The following TIMM22 variants were observed in gnomAD, a reference collection of about 807,000 sequenced individuals.
TIMM22 encodes translocase of inner mitochondrial membrane 22.
Under a neutral mutation model 18.3 loss-of-function variants are expected in TIMM22, and 12 were observed. The observed-to-expected ratio is 0.65, with a 90% CI of 0.42 to 1.06. TIMM22 has a LOEUF of 1.06. Among genes scored for constraint, TIMM22 ranks in the 50% least tolerant of loss-of-function variants. TIMM22 has a pLI of 0.00. For synonymous variants in TIMM22, 107 were observed against 98.5 expected (o/e 1.09, Z -0.51); for missense variants, 278 against 252.8 (o/e 1.10, Z -0.68).
chr17:999,018 A>G, intron 2 of TIMM22, 43 bp downstream of exon 2: 1 of 1,562,668 alleles, frequency 6.4e-7, no homozygotes, highest in Non-Finnish European at 8.7e-7. Flanking sequence ...TGGGGCCACC[A>G]TTTCATTACT....
At chr17:999,895 G>T (rs913756070) in intron 3 of TIMM22, among the ~76,000 whole-genome samples, 1 of 144,094 alleles carries the variant, frequency 6.9e-6, no homozygotes, top group Non-Finnish European at 1.5e-5. Flanking sequence ...CCCGTCCGTT[G>T]TAACAACTTT....
Position 1,001,946 on chromosome 17 carries a change from C to G in TIMM22, c.*858C>G, listed in dbSNP as rs1009833084. On this transcript the variant is annotated 3_prime_UTR_variant, in exon 4 of 4. Transcript: ENST00000327158. ...TCACGACGTGACTGCTGGACCTGGC[C>G]GAGCTTGAGGCCACATGTGAAGGGT... is the stretch of plus-strand genomic sequence containing the variant. 6.6e-6 allele frequency: 1 copy of G among 152,120 alleles called. No individual in the cohort carries two copies. The highest frequency in any genetic ancestry group is 1.9e-4 in the East Asian group (1 of 5,180). 9.4% of individuals were successfully genotyped at this position (152,120 alleles called of 1,614,324 possible).
intron 2 of TIMM22, among the ~76,000 whole-genome samples, 156 bp from the exon 3 acceptor site, chr17:999,356 T>TATATATATATATATATATAC (rs1567539415): frequency 8.8e-6 from 1 of 113,894 alleles, no homozygotes; most frequent in Non-Finnish European, 1.9e-5. Flanking sequence ...TATATATATA[T>TATATATATATATATATATAC]ATACACGCTG....
At position 997,216 on chromosome 17, in the gene TIMM22, A is replaced by G; in HGVS notation, c.74A>G (p.Tyr25Cys). The change falls in exon 1 of 4, where the codon TAC (tyrosine) becomes TGC (cysteine). Residue 25 changes from tyrosine to cysteine, a missense_variant. By Grantham distance (194) the Tyr-to-Cys change is radical (BLOSUM62 -2). Transcript: ENST00000327158. ...TAGSAEAPLQ[Y>C]SLLLQYLVGD... ...GGTTCCGCCGAAGCTCCGCTGCAGT[A>G]CAGCCTGCTCCTGCAGTACCTGGTG... 6.2e-7 allele frequency: 1 copy of G among 1,613,086 alleles called. No homozygotes were observed. Among genetic ancestry groups the G allele is most frequent in the South Asian group, 1.1e-5 (1 of 91,082 alleles).
intron 3 of TIMM22, among the ~76,000 whole-genome samples, chr17:1,000,093 T>C (rs2150665814): frequency 7.2e-6 from 1 of 139,452 alleles, no homozygotes; most frequent in South Asian, 2.3e-4. Flanking sequence ...AGAGATCAAT[T>C]TCACCTGGTC....
Position 997,459 on chromosome 17 carries a change from C to A in TIMM22, c.238+79C>A. ...GATCTCTGCCGAGAAGACCACGCGC[C>A]TGGGAGGCGAGGGACTGCGGGCCTT... On this transcript the variant is annotated intron_variant, in intron 1 of 3. Transcript: ENST00000327158. 3 of 1,425,336 alleles carry A rather than the reference C, an allele frequency of 2.1e-6. No individual in the cohort carries two copies. In the South Asian group the frequency reaches 3.8e-5, roughly 18 times the overall value. 88.3% of individuals were successfully genotyped at this position (1,425,336 alleles called of 1,614,324 possible). A position where few individuals can be genotyped will look rare whatever the true frequency, so the allele number is the denominator to read the frequency against.
rs2069688252 is a variant in TIMM22, at chr17:997,140, G to C, written c.-3G>C. 2 of 1,608,640 alleles carry C rather than the reference G, an allele frequency of 1.2e-6. No homozygotes were observed. Among genetic ancestry groups the C allele is most frequent in the Non-Finnish European group, 1.7e-6 (2 of 1,178,750 alleles). On this transcript the variant is annotated 5_prime_UTR_variant, in exon 1 of 4. Coordinates refer to ENST00000327158, the MANE Select transcript of TIMM22 (RefSeq NM_013337.4). ...CGCGAGGGTTGCTTGGGCAGCGACT[G>C]TCATGGCGGCGGCCGCCCCCAATGC...
chr17:997,738 A>G (rs956049033), intron 1 of TIMM22, among the ~76,000 whole-genome samples: 2 of 152,198 alleles, frequency 1.3e-5, no homozygotes, highest in Non-Finnish European at 2.9e-5. Flanking sequence ...GCTTGAACCC[A>G]GGAGGCGGAG....
rs1423285566 is a variant in TIMM22, at chr17:1,003,603, A to G, written c.*2515A>G. On this transcript the variant is annotated 3_prime_UTR_variant, in exon 4 of 4. Coordinates refer to ENST00000327158, the MANE Select transcript of TIMM22 (RefSeq NM_013337.4). Reference sequence around the variant, plus strand: ...TTTACATCAATTTATAATAATCTACATAAGTTGAAACAGAACATAGACAAA... The same window carrying G: ...TTTACATCAATTTATAATAATCTACGTAAGTTGAAACAGAACATAGACAAA... The G allele has an allele frequency of 6.6e-6, 1 of 152,610 alleles. No homozygotes were observed. The highest frequency in any genetic ancestry group is 1.5e-5 in the Non-Finnish European group (1 of 68,044). 9.5% of individuals were successfully genotyped at this position (152,610 alleles called of 1,614,324 possible).
At position 998,849 on chromosome 17, in the gene TIMM22, G is replaced by T. The variant is rs1316504145; in HGVS notation, c.309G>T (p.Lys103Asn). 1.2e-6 allele frequency: 2 copies of T among 1,614,140 alleles called. No individual in the cohort carries two copies. The highest frequency in any genetic ancestry group is 1.1e-5 in the South Asian group (1 of 91,086). The change falls in exon 2 of 4, where the codon AAG becomes AAT. Residue 103 changes from lysine (K) to asparagine (N), a missense_variant. By Grantham distance (94) the Lys-to-Asn change is moderately conservative. Transcript: ENST00000327158. Reference sequence around the variant, plus strand: ...ATACCAACGTGGGCTTTGACCCTAAGGATCCTTACCGTACACCGACTGCAA... The same window carrying T: ...ATACCAACGTGGGCTTTGACCCTAATGATCCTTACCGTACACCGACTGCAA... Reference protein sequence around the residue: ...GIDTNVGFDPKDPYRTPTAKE... With the variant: ...GIDTNVGFDPNDPYRTPTAKE...
In TIMM22 at chr17:999,607, C is replaced by G. The variant is rs771979930; in HGVS notation, c.508+23C>G. 7 of 1,610,206 alleles carry G rather than the reference C, an allele frequency of 4.3e-6. No individual in the cohort carries two copies. The South Asian group carries it at 7.7e-5, about 18-fold the overall frequency. On this transcript the variant is annotated intron_variant, in intron 3 of 3. Coordinates refer to ENST00000327158, the MANE Select transcript of TIMM22 (RefSeq NM_013337.4). ...GAGGTTAGTAAACGGCTCTCGAATGCTTTTTCTTTGTGGCCTTGGACAACG... is the reference window on the plus strand; with the variant it reads ...GAGGTTAGTAAACGGCTCTCGAATGGTTTTTCTTTGTGGCCTTGGACAACG...
At position 1,002,974 on chromosome 17, in the gene TIMM22, T is replaced by A. The variant is rs2069783646; in HGVS notation, c.*1886T>A. ...TATGAGCTCATAAACCAAACAGCAA[T>A]TTTCAGAGACATCTGTTCCTGATCT... On this transcript the variant is annotated 3_prime_UTR_variant, in exon 4 of 4. Transcript: ENST00000327158. The A allele has an allele frequency of 6.6e-6, 1 of 152,026 alleles. No homozygotes were observed. The highest frequency in any genetic ancestry group is 1.5e-5 in the Non-Finnish European group (1 of 67,996). 9.4% of individuals were successfully genotyped at this position (152,026 alleles called of 1,614,324 possible). A position where few individuals can be genotyped will look rare whatever the true frequency, so the allele number is the denominator to read the frequency against.
intron 3 of TIMM22, 24 bp downstream of exon 3, chr17:999,608 T>A (rs775466903): frequency 1.9e-6 from 3 of 1,609,446 alleles, no homozygotes; most frequent in Non-Finnish European, 2.5e-6. Context: ...TCTCGAATGC[T>A]TTTTCTTTGT....
At position 997,354 on chromosome 17, in the gene TIMM22, T is replaced by G. The variant is rs2069693515; in HGVS notation, c.212T>G (p.Phe71Cys). 6.2e-7 allele frequency: 1 copy of G among 1,613,360 alleles called. No individual in the cohort carries two copies. Among genetic ancestry groups the G allele is most frequent in the Non-Finnish European group, 8.5e-7 (1 of 1,179,760 alleles). The change falls in exon 1 of 4, where the codon TTC becomes TGC. Residue 71 changes from phenylalanine (F) to cysteine (C), a missense_variant. Coordinates refer to ENST00000327158, the MANE Select transcript of TIMM22 (RefSeq NM_013337.4). Reference sequence around the variant, plus strand: ...GAGAAGGCGATGGAAAGCTGCGCTTTCAAGGCTGCGCTGGCCTGCGTGGGA... The same window carrying G: ...GAGAAGGCGATGGAAAGCTGCGCTTGCAAGGCTGCGCTGGCCTGCGTGGGA... ...MIEKAMESCAFKAALACVGGF... is the reference protein window; with the variant it reads ...MIEKAMESCACKAALACVGGF...
At position 1,003,030 on chromosome 17, in the gene TIMM22, G is replaced by A. The variant is rs2069785121; in HGVS notation, c.*1942G>A. 1 of 152,126 alleles carries A rather than the reference G, an allele frequency of 6.6e-6. No individual in the cohort carries two copies. The highest frequency in any genetic ancestry group is 2.4e-5 in the African/African-American group (1 of 41,420). 9.4% of individuals were successfully genotyped at this position (152,126 alleles called of 1,614,324 possible). A position where few individuals can be genotyped will look rare whatever the true frequency, so the allele number is the denominator to read the frequency against. On this transcript the variant is annotated 3_prime_UTR_variant, in exon 4 of 4. Transcript: ENST00000327158. The stretch of plus-strand genomic sequence containing the variant: ...ATAAACTCAGTGTCCAGTTGCTTCG[G>A]CTGGTGGGAGCCAATATTCACGCCA...
At position 997,251 on chromosome 17, in the gene TIMM22, C is replaced by T. The variant is rs1308595115; in HGVS notation, c.109C>T (p.Arg37Cys). 1.2e-6 allele frequency: 2 copies of T among 1,613,558 alleles called. No homozygotes were observed. The highest frequency in any genetic ancestry group is 1.7e-5 in the Admixed American group (1 of 60,030). ...CCTGCAGTACCTGGTGGGTGACAAG[C>T]GTCAGCCCCGGCTCCTGGAGCCTGG... ...LLLQYLVGDK[R>C]QPRLLEPGSL... The change falls in exon 1 of 4, where the codon CGT becomes TGT. Residue 37 changes from arginine (R) to cysteine (C), a missense_variant. Transcript: ENST00000327158.
At position 997,239 on chromosome 17, in the gene TIMM22, G is replaced by C. The variant is rs149879547; in HGVS notation, c.97G>C (p.Val33Leu). 6.2e-3 allele frequency: 10,065 copies of C among 1,613,452 alleles called. 35 individuals carry two copies. Among genetic ancestry groups the C allele is most frequent in the Non-Finnish European group, 7.5e-3 (8,905 of 1,179,952 alleles). The change falls in exon 1 of 4, where the codon GTG becomes CTG. Residue 33 changes from valine (V) to leucine (L), a missense_variant. By Grantham distance (32) the Val-to-Leu change is conservative. Transcript: ENST00000327158. ...GTACAGCCTGCTCCTGCAGTACCTG[G>C]TGGGTGACAAGCGTCAGCCCCGGCT... Reference protein sequence around the residue: ...LQYSLLLQYLVGDKRQPRLLE... With the variant: ...LQYSLLLQYLLGDKRQPRLLE...
chr17:999,902 C>CTTT (rs11424083), intron 3 of TIMM22, among the ~76,000 whole-genome samples: 1 of 147,878 alleles, frequency 6.8e-6, no homozygotes, highest in African/African-American at 2.5e-5. Context: ...GTTGTAACAA[C>CTTT]TTTTTTTTTT....
Position 998,900 on chromosome 17 carries a change from G to T in TIMM22, c.360G>T (p.Gln120His). The change falls in exon 2 of 4, where the codon CAG becomes CAT. Residue 120 changes from glutamine (Q) to histidine (H), a missense_variant. Gln to His is a conservative substitution (Grantham distance 24). Transcript: ENST00000327158. ...TAKEVLKDMGQRGMSYAKNFA... is the reference protein window; with the variant it reads ...TAKEVLKDMGHRGMSYAKNFA... ...AAGAAGTGCTGAAAGACATGGGGCA[G>T]AGAGGAATGTCCTATGCCAAAAATT... 6.2e-7 allele frequency: 1 copy of T among 1,614,194 alleles called. No individual in the cohort carries two copies. Among genetic ancestry groups the T allele is most frequent in the Non-Finnish European group, 8.5e-7 (1 of 1,180,026 alleles).
Sources: allele counts gnomAD v4.1 joint callset (sites outside exome capture counted in the v4.1 genomes callset), GRCh38; gene constraint gnomAD v4.1.1; transcripts MANE v1.5; gene names NCBI Gene and HGNC (gene_info 2026-07-23, HGNC 2026-07-21).